Variants in CUBN observed in about 807,000 individuals in gnomAD.
CUBN encodes 460 kDa receptor.
A neutral mutation model predicts 405.3 loss-of-function variants in CUBN; 282 were observed. The ratio of observed to expected loss-of-function variants is 0.70; its 90% CI spans 0.63 to 0.77. The LOEUF (loss-of-function observed/expected upper bound fraction) is 0.77, where lower values mean the gene tolerates loss of function less well. CUBN is among the 30% of genes least tolerant of loss of function. The pLI is 0.00. For synonymous variants in CUBN, 1,684 were observed against 1,617.0 expected, an observed-to-expected ratio of 1.04 and a Z score of -0.99; for missense variants, 4,514 against 4,475.2, an observed-to-expected ratio of 1.01 and a Z score of -0.25.
Position 17,065,640 on chromosome 10 carries a change from T to G in CUBN, c.3009-2A>C. 6.2e-7 allele frequency: 1 copy of G among 1,613,258 alleles called. No individual in the cohort carries two copies. Among genetic ancestry groups the G allele is most frequent in the Non-Finnish European group, 8.5e-7 (1 of 1,179,306 alleles). On this transcript the variant is annotated splice_acceptor_variant, in intron 21 of 66. Transcript: ENST00000377833. LOFTEE classifies it high-confidence loss of function. ...GGCGGGATCGACTTTCCACAGTATC[T>G]ATTCCAAACCAAGAAAGGACAGATG...
Position 16,976,172 on chromosome 10 carries a change from A to G in CUBN, c.4695+6312T>C, listed in dbSNP as rs1195825176. On this transcript the variant is annotated intron_variant, in intron 31 of 66. Transcript: ENST00000377833. ...TGTTTTGTAGAGACAGGGTCTCACTACATTGCCCAGGCTGGTCTCAAACTC... is the reference window on the plus strand; with the variant it reads ...TGTTTTGTAGAGACAGGGTCTCACTGCATTGCCCAGGCTGGTCTCAAACTC... 2.0e-5 allele frequency among the ~76,000 whole-genome samples: 3 copies of G among 151,698 alleles called. No homozygotes were observed. In the East Asian group the frequency reaches 5.9e-4, roughly 30 times the overall value.
At position 16,947,370 on chromosome 10, in the gene CUBN, G is replaced by A; in HGVS notation, c.5210-3C>T. 6 of 1,613,866 alleles carry A rather than the reference G, an allele frequency of 3.7e-6. No individual in the cohort carries two copies. Among genetic ancestry groups the A allele is most frequent in the Non-Finnish European group, 5.1e-6 (6 of 1,179,946 alleles). Reference sequence around the variant, plus strand: ...CATGTAGAACGTTCCACCACAAGCTGGAAGAAAATAGAAATAAAGTGAGTA... The same window carrying A: ...CATGTAGAACGTTCCACCACAAGCTAGAAGAAAATAGAAATAAAGTGAGTA... On this transcript the variant is annotated splice_region_variant and splice_polypyrimidine_tract_variant and intron_variant, in intron 35 of 66. Transcript: ENST00000377833.
chr10:16,828,737 T>G (rs1588563590), intron 66 of CUBN, 68 bp downstream of exon 66: 1 of 1,226,828 alleles, frequency 8.2e-7, no homozygotes, highest in Non-Finnish European at 1.2e-6. Flanking sequence ...AAAAAAAAAG[T>G]CTACACTAAG....
chr10:16,940,148 T>C lies in CUBN; in HGVS notation c.5432A>G (p.Tyr1811Cys), dbSNP rs774698658. The C allele has an allele frequency of 9.9e-6, 16 of 1,614,072 alleles. No individual in the cohort carries two copies. The highest frequency in any genetic ancestry group is 9.9e-5 in the South Asian group (9 of 91,086). The change falls in exon 37 of 67, where the codon TAC becomes TGC. Residue 1811 changes from tyrosine (Y) to cysteine (C), a missense_variant. Physicochemically the swap from Tyr to Cys is radical, Grantham distance 194. Coordinates refer to ENST00000377833, the MANE Select transcript of CUBN (RefSeq NM_001081.4). ...GNATGHLVGR[Y>C]CGNSFPLNYS... The stretch of plus-strand genomic sequence containing the variant: ...ATTGAGAGGGAAGGAGTTTCCACAG[T>C]ATCGTCCCACCAAGTGACCCGTGGC...
chr10:16,995,631 T>G (rs982570709), intron 28 of CUBN, among the ~76,000 whole-genome samples: 13 of 152,150 alleles, frequency 8.5e-5, no homozygotes, highest in African/African-American at 2.2e-4. Flanking sequence ...CACCTGGCCG[T>G]GTTTTGTATC....
Position 16,954,442 on chromosome 10 carries a change from A to G in CUBN, c.4802T>C (p.Phe1601Ser). The G allele has an allele frequency of 6.2e-7, 1 of 1,614,144 alleles. No homozygotes were observed. Among genetic ancestry groups the G allele is most frequent in the Non-Finnish European group, 8.5e-7 (1 of 1,180,024 alleles). ...VSSGNSLFLRFQSGPSRQNRG... is the reference protein window; with the variant it reads ...VSSGNSLFLRSQSGPSRQNRG... Reference sequence around the variant, plus strand: ...GTTCTGTCTGGAAGGGCCAGACTGAAATCTCAAGAAGAGGCTGTTTCCTGA... The same window carrying G: ...GTTCTGTCTGGAAGGGCCAGACTGAGATCTCAAGAAGAGGCTGTTTCCTGA... Residue 1601 changes from phenylalanine (F) to serine (S), a missense_variant, in exon 32 of 67, where the codon TTT becomes TCT. Coordinates refer to ENST00000377833, the MANE Select transcript of CUBN (RefSeq NM_001081.4).
At chr10:16,951,342 G>A (rs1225497226) in intron 33 of CUBN, among the ~76,000 whole-genome samples, 1 of 152,132 alleles carries the variant, frequency 6.6e-6, no homozygotes, top group African/African-American at 2.4e-5. Context: ...ACATCCCAGG[G>A]GAAAGTGCTA....
chr10:17,116,360 G>A (rs565725498), intron 6 of CUBN, among the ~76,000 whole-genome samples: 3 of 152,302 alleles, frequency 2.0e-5, no homozygotes, highest in African/African-American at 7.2e-5. Flanking sequence ...TCTGAGCATG[G>A]GAGCTAGGGG....
At position 16,904,067 on chromosome 10, in the gene CUBN, G is replaced by C; in HGVS notation, c.7961C>G (p.Pro2654Arg). The C allele has an allele frequency of 6.2e-7, 1 of 1,613,908 alleles. No individual in the cohort carries two copies. Among genetic ancestry groups the C allele is most frequent in the Non-Finnish European group, 8.5e-7 (1 of 1,179,842 alleles). ...ATAAGGTATAACCAATGGCAATGTA[G>C]GCTTTGAAGGACCACAAAGTCTCCA... ...LMWRLCGPSK[P>R]TLPLVIPYSQ... Residue 2654 changes from proline (P) to arginine (R), a missense_variant, in exon 51 of 67, where the codon CCT becomes CGT. Physicochemically the swap from Pro to Arg is moderately radical, Grantham distance 103 (BLOSUM62 -2). Coordinates refer to ENST00000377833, the MANE Select transcript of CUBN (RefSeq NM_001081.4).
chr10:16,832,611 G>A (rs745814093), intron 64 of CUBN, among the ~76,000 whole-genome samples: 1 of 152,154 alleles, frequency 6.6e-6, no homozygotes. Context: ...TCAAAATGCC[G>A]TTGCTCTGAG....
intron 29 of CUBN, 70 bp downstream of exon 29, chr10:16,990,264 T>C (rs1412430486): frequency 2.9e-5 from 41 of 1,430,900 alleles, no homozygotes; most frequent in Non-Finnish European, 3.8e-5. Context: ...GAATTCGGAA[T>C]CTTGGCAGAG....
At chr10:17,045,262 A>G in intron 24 of CUBN, 74 bp from the exon 25 acceptor site, 1 of 1,399,908 alleles carries the variant, frequency 7.1e-7, no homozygotes. Flanking sequence ...TCTGCATTAA[A>G]CTGGTGCCAT....
Position 16,935,473 on chromosome 10 carries a change from T to C in CUBN, c.5926+2119A>G, listed in dbSNP as rs1842474133. Among the ~76,000 whole-genome samples the C allele has an allele frequency of 2.0e-5, 3 of 152,314 alleles. No homozygotes were observed. In the East Asian group the frequency reaches 5.8e-4, roughly 29 times the overall value. On this transcript the variant is annotated intron_variant, in intron 39 of 66. Transcript: ENST00000377833. The stretch of plus-strand genomic sequence containing the variant: ...CTGGTTCCCATTACTTTTAAGCTCC[T>C]GGAGAGTAGAGATTGTACCTCATTT...
chr10:16,972,459 A>C (rs200735129), intron 31 of CUBN, among the ~76,000 whole-genome samples: 1 of 129,902 alleles, frequency 7.7e-6, no homozygotes, highest in African/African-American at 2.9e-5. Flanking sequence ...TTTTTTTTTG[A>C]AACAGGGTCA....
chr10:16,922,409 T>G (rs919204443), intron 43 of CUBN, among the ~76,000 whole-genome samples: 1 of 152,180 alleles, frequency 6.6e-6, no homozygotes, highest in Non-Finnish European at 1.5e-5. Context: ...CCTAAATTAC[T>G]CTTTCATCTG....
intron 38 of CUBN, 34 bp downstream of exon 38, chr10:16,938,929 T>C (rs1425653810): frequency 1.3e-6 from 2 of 1,565,506 alleles, no homozygotes; most frequent in Non-Finnish European, 1.8e-6. Flanking sequence ...AATTCACCAA[T>C]ATTTATGAAC....
At position 17,094,232 on chromosome 10, in the gene CUBN, C is replaced by CA. The variant is rs1184496480; in HGVS notation, c.1765+5772dup. Among the ~76,000 whole-genome samples the CA allele has an allele frequency of 2.0e-5, 3 of 151,862 alleles. No individual in the cohort carries two copies. The East Asian group carries it at 5.8e-4, about 29-fold the overall frequency. ...GAATTACTGCTGAGGTTCCTCTCCCCAAAAAAATTATGGAAGTGACAAGAC... is the reference window on the plus strand; with the variant it reads ...GAATTACTGCTGAGGTTCCTCTCCCCAAAAAAAATTATGGAAGTGACAAGAC... On this transcript the variant is annotated intron_variant, in intron 14 of 66. Transcript: ENST00000377833.
chr10:16,889,544 G>T (rs1840929214), intron 55 of CUBN, among the ~76,000 whole-genome samples: 1 of 152,142 alleles, frequency 6.6e-6, no homozygotes, highest in African/African-American at 2.4e-5. Context: ...AATTAGGAAA[G>T]AACATTCCCA....
chr10:16,934,649 A>G (rs1842450722), intron 39 of CUBN, among the ~76,000 whole-genome samples: 1 of 152,182 alleles, frequency 6.6e-6, no homozygotes, highest in South Asian at 2.1e-4. Context: ...TTCCAAACAC[A>G]TGGTAGAACT....
Sources: allele counts gnomAD v4.1 joint callset (sites outside exome capture counted in the v4.1 genomes callset), GRCh38; gene constraint gnomAD v4.1.1; transcripts MANE v1.5; gene names NCBI Gene and HGNC (gene_info 2026-07-23, HGNC 2026-07-21).